Variants in ENOX1 observed in about 807,000 individuals in gnomAD.
The protein encoded by ENOX1 is ecto-NOX disulfide-thiol exchanger 1.
Under a neutral mutation model 82.5 loss-of-function variants are expected in ENOX1, and 42 were observed. That is an observed-to-expected ratio of 0.51 (90% CI 0.40 to 0.66). ENOX1 has a LOEUF of 0.66. Ranked by LOEUF, ENOX1 falls within the 30% of genes least tolerant of loss-of-function variation. ENOX1 has a pLI of 0.00. For synonymous variants in ENOX1, 271 were observed against 282.2 expected, an observed-to-expected ratio of 0.96 and a Z score of 0.40; for missense variants, 608 against 811.6, an observed-to-expected ratio of 0.75 and a Z score of 3.05.
chr13:43,275,847 C>A (rs1422210480), intron 12 of ENOX1, among the ~76,000 whole-genome samples: 2 of 152,130 alleles, frequency 1.3e-5, no homozygotes, highest in Non-Finnish European at 2.9e-5. Flanking sequence ...CAGGACAATA[C>A]AAAGGACTCT....
chr13:43,771,757 G>A (rs1951616896), intron 1 of ENOX1, among the ~76,000 whole-genome samples: 1 of 151,774 alleles, frequency 6.6e-6, no homozygotes, highest in Non-Finnish European at 1.5e-5. Context: ...CAGTTCATTG[G>A]TGTGATATCT....
At chr13:43,308,399 C>T (rs1287582727) in intron 11 of ENOX1, among the ~76,000 whole-genome samples, 5 of 152,154 alleles carry the variant, frequency 3.3e-5, no homozygotes, top group Admixed American at 3.3e-4. Flanking sequence ...TTTACCTCAC[C>T]TCAACCCGTT....
At chr13:43,470,493 A>G (rs1372350659) in intron 3 of ENOX1, among the ~76,000 whole-genome samples, 1 of 148,662 alleles carries the variant, frequency 6.7e-6, no homozygotes, top group East Asian at 1.9e-4. Context: ...CTGATAAATT[A>G]GACCTCAAAA....
In ENOX1 at chr13:43,553,546, G is replaced by C. The variant is rs78370379; in HGVS notation, c.-218-69394C>G. On this transcript the variant is annotated intron_variant, in intron 2 of 16. Coordinates refer to ENST00000690772, the MANE Select transcript of ENOX1 (RefSeq NM_001347969.2). ...CATTTGTACGATTCACTTTTGCTTTGGTTTCTGGTTTTGCAAATTGTTAGT... is the reference window on the plus strand; with the variant it reads ...CATTTGTACGATTCACTTTTGCTTTCGTTTCTGGTTTTGCAAATTGTTAGT... Among the ~76,000 whole-genome samples the C allele has an allele frequency of 5.9e-3, 901 of 152,156 alleles. 11 individuals are homozygous for C. The highest frequency in any genetic ancestry group is 0.021 in the African/African-American group (865 of 41,508).
chr13:43,786,233 G>T lies in ENOX1; in HGVS notation c.-285+419C>A, dbSNP rs1462577841. Among the ~76,000 whole-genome samples, 1 of 152,188 alleles carries T rather than the reference G, an allele frequency of 6.6e-6. No individual in the cohort carries two copies. The highest frequency in any genetic ancestry group is 1.5e-5 in the Non-Finnish European group (1 of 68,034). On this transcript the variant is annotated intron_variant, in intron 1 of 16. Transcript: ENST00000690772. The surrounding 1 kb of genome is among the most constrained non-coding windows in gnomAD (Gnocchi z 6.0). Reference sequence around the variant, plus strand: ...GAAAGAAGAGGGCAGCGGGAACACTGTGTGGGCAGGAACGGGTCCCGGGGG... The same window carrying T: ...GAAAGAAGAGGGCAGCGGGAACACTTTGTGGGCAGGAACGGGTCCCGGGGG...
intron 3 of ENOX1, among the ~76,000 whole-genome samples, chr13:43,456,321 T>C (rs1281606046): frequency 1.3e-5 from 2 of 152,048 alleles, no homozygotes; most frequent in Non-Finnish European, 2.9e-5. Flanking sequence ...TACTCATTTA[T>C]ATTTAAGAAA....
chr13:43,432,666 A>G (rs898654711), intron 3 of ENOX1, among the ~76,000 whole-genome samples: 2 of 152,152 alleles, frequency 1.3e-5, no homozygotes, highest in Admixed American at 6.5e-5. Context: ...ATACATAAAT[A>G]AAAATAGAAA....
chr13:43,522,930 A>G (rs1412225987), intron 2 of ENOX1, among the ~76,000 whole-genome samples: 1 of 152,186 alleles, frequency 6.6e-6, no homozygotes, highest in Non-Finnish European at 1.5e-5. Context: ...CAATGTGGAA[A>G]GTCACTGTTC....
chr13:43,740,885 A>C (rs560221907), intron 1 of ENOX1, among the ~76,000 whole-genome samples: 2 of 152,352 alleles, frequency 1.3e-5, no homozygotes, highest in Admixed American at 6.5e-5. Context: ...TTTATTCAAC[A>C]GTTGAAGGAC....
At chr13:43,465,838 T>C (rs2057695076) in intron 3 of ENOX1, among the ~76,000 whole-genome samples, 1 of 152,176 alleles carries the variant, frequency 6.6e-6, no homozygotes, top group Admixed American at 6.5e-5. Flanking sequence ...GTCCTGACAA[T>C]GAGAAACCTG....
chr13:43,444,447 C>T (rs2056519027), intron 3 of ENOX1, among the ~76,000 whole-genome samples: 1 of 152,096 alleles, frequency 6.6e-6, no homozygotes, highest in Admixed American at 6.5e-5. Context: ...CTGGGTGGAC[C>T]TGGAGAGAGA....
chr13:43,445,096 G>A (rs75947063), intron 3 of ENOX1, among the ~76,000 whole-genome samples: 12,502 of 149,564 alleles, frequency 0.084, 550 homozygotes, highest in East Asian at 0.15. Context: ...ACAATACTAT[G>A]TTCTAGAGAA....
intron 2 of ENOX1, among the ~76,000 whole-genome samples, chr13:43,604,221 C>A (rs7997275): frequency 1.3e-5 from 2 of 150,710 alleles, no homozygotes; most frequent in Admixed American, 1.3e-4. Flanking sequence ...CTTTGCCCAC[C>A]TTTTGATGGG....
intron 4 of ENOX1, 84 bp from the exon 5 acceptor site, chr13:43,412,137 G>C (rs1369643294): frequency 4.1e-6 from 6 of 1,471,928 alleles, no homozygotes; most frequent in Non-Finnish European, 5.6e-6. Context: ...GATATGTGAG[G>C]CTTCATTTAG....
chr13:43,537,209 A>G (rs2078500163), intron 2 of ENOX1, among the ~76,000 whole-genome samples: 1 of 152,094 alleles, frequency 6.6e-6, no homozygotes, highest in Non-Finnish European at 1.5e-5. Flanking sequence ...GGGAGATAAT[A>G]CTCATTACTG....
At chr13:43,501,476 A>G (rs1181560397) in intron 2 of ENOX1, among the ~76,000 whole-genome samples, 1 of 151,832 alleles carries the variant, frequency 6.6e-6, no homozygotes, top group Non-Finnish European at 1.5e-5. Context: ...TCAAGTGCAT[A>G]TAGAACATTC....
intron 1 of ENOX1, among the ~76,000 whole-genome samples, chr13:43,727,474 C>T (rs964867383): frequency 5.9e-5 from 9 of 152,068 alleles, no homozygotes; most frequent in Non-Finnish European, 1.3e-4. Flanking sequence ...CAATGTTGTT[C>T]CAGAAAGTTT....
At chr13:43,476,018 C>T (rs1283976643) in intron 3 of ENOX1, among the ~76,000 whole-genome samples, 3 of 151,904 alleles carry the variant, frequency 2.0e-5, no homozygotes, top group Admixed American at 1.3e-4. Flanking sequence ...TGTTTATAGA[C>T]CTCAGTTTTC....
At chr13:43,562,143 C>T (rs548034321) in intron 2 of ENOX1, among the ~76,000 whole-genome samples, 5 of 152,040 alleles carry the variant, frequency 3.3e-5, no homozygotes, top group Admixed American at 3.3e-4. Context: ...AAAAAATGAA[C>T]CAATGCAAAA....
Sources: allele counts gnomAD v4.1 joint callset (sites outside exome capture counted in the v4.1 genomes callset), GRCh38; gene constraint gnomAD v4.1.1; non-coding constraint Gnocchi (gnomAD v3.1); transcripts MANE v1.5; gene names NCBI Gene and HGNC (gene_info 2026-07-23, HGNC 2026-07-21).